ADGRA3: variants seen among roughly 807,000 people sequenced by gnomAD.
The protein encoded by ADGRA3 is G-protein coupled receptor 125.
Under a neutral mutation model 119.8 loss-of-function variants are expected in ADGRA3, and 56 were observed. The ratio of observed to expected loss-of-function variants is 0.47; its 90% CI spans 0.38 to 0.58. The LOEUF (loss-of-function observed/expected upper bound fraction) is 0.58. Among genes scored for constraint, ADGRA3 ranks in the 20% least tolerant of loss-of-function variants. ADGRA3 has a pLI of 0.00. For synonymous variants in ADGRA3, 607 were observed against 623.8 expected, an observed-to-expected ratio of 0.97 and a Z score of 0.40; for missense variants, 1,516 against 1,649.0, an observed-to-expected ratio of 0.92 and a Z score of 1.40.
intron 17 of ADGRA3, among the ~76,000 whole-genome samples, chr4:22,390,772 T>C (rs1015111729): frequency 6.6e-6 from 1 of 152,088 alleles, no homozygotes; most frequent in African/African-American, 2.4e-5. Flanking sequence ...TGTGTGTCAT[T>C]TGGGGACTGC....
At chr4:22,402,638 A>T (rs778338421) in intron 15 of ADGRA3, 37 bp downstream of exon 15, 1 of 1,590,712 alleles carries the variant, frequency 6.3e-7, no homozygotes, top group Non-Finnish European at 8.5e-7. Flanking sequence ...TTCAAATCAA[A>T]GTCCGCAGAT....
At position 22,476,054 on chromosome 4, in the gene ADGRA3, TA is replaced by T. The variant is rs201513147; in HGVS notation, c.258-2212del. Among the ~76,000 whole-genome samples the T allele has an allele frequency of 8.4e-4, 128 of 152,316 alleles. 2 individuals carry two copies. In the East Asian group the frequency reaches 0.02, roughly 24 times the overall value. On this transcript the variant is annotated intron_variant, in intron 1 of 18. Coordinates refer to ENST00000334304, the MANE Select transcript of ADGRA3 (RefSeq NM_145290.4). The stretch of plus-strand genomic sequence containing the variant: ...TATTTGTTAGTTACTAAAGCAAGGA[TA>T]AGTCTTCAATCATTGGAATGAAGAA...
At chr4:22,459,128 G>T (rs1717351957) in intron 3 of ADGRA3, among the ~76,000 whole-genome samples, 1 of 152,084 alleles carries the variant, frequency 6.6e-6, no homozygotes, top group Admixed American at 6.5e-5. Context: ...TTAGATGAAA[G>T]ATATTTTACT....
chr4:22,414,723 C>G (rs1577333494), intron 12 of ADGRA3: 1 of 605,138 alleles, frequency 1.7e-6, no homozygotes, highest in African/African-American at 1.9e-5. Context: ...ATCTATTGCT[C>G]AGATGTATCC....
At position 22,392,588 on chromosome 4, in the gene ADGRA3, G is replaced by A; in HGVS notation, c.2584C>T (p.Gln862Ter). ...GGAGGTGGTGGTTCATCAGGATCCT[G>A]GCATCTTTTAGCTTTTTTAGTGACT... ...KQVTKKAKRC[Q>*]DPDEPPPPPR... The change falls in exon 17 of 19, where the codon CAG (glutamine) becomes TAG (stop). Residue 862 changes from glutamine to a stop codon, truncating the protein, a stop_gained. Coordinates refer to ENST00000334304, the MANE Select transcript of ADGRA3 (RefSeq NM_145290.4). LOFTEE classifies it high-confidence loss of function. 6.2e-7 allele frequency: 1 copy of A among 1,613,750 alleles called. No individual in the cohort carries two copies. Among genetic ancestry groups the A allele is most frequent in the Non-Finnish European group, 8.5e-7 (1 of 1,179,838 alleles).
In ADGRA3 at chr4:22,493,784, T is replaced by G. The variant is rs755527580; in HGVS notation, c.258-19941A>C. ...CTATTGGGCTGCATTCCCAAACAGT[T>G]AGGCATTCTAAGTCATAGGATAAAA... On this transcript the variant is annotated intron_variant, in intron 1 of 18. Coordinates refer to ENST00000334304, the MANE Select transcript of ADGRA3 (RefSeq NM_145290.4). 2.6e-5 allele frequency among the ~76,000 whole-genome samples: 4 copies of G among 152,240 alleles called. No individual in the cohort carries two copies. In the East Asian group the frequency reaches 5.8e-4, roughly 22 times the overall value.
At chr4:22,401,171 G>A (rs1383840185) in intron 16 of ADGRA3, among the ~76,000 whole-genome samples, 2 of 152,036 alleles carry the variant, frequency 1.3e-5, no homozygotes, top group Non-Finnish European at 2.9e-5. Context: ...ATAAGTAACA[G>A]GCATTGTAAT....
At chr4:22,486,033 C>T (rs1718421449) in intron 1 of ADGRA3, among the ~76,000 whole-genome samples, 1 of 152,152 alleles carries the variant, frequency 6.6e-6, no homozygotes, top group African/African-American at 2.4e-5. Context: ...TAGTTATTCC[C>T]ACTTCTGTCT....
chr4:22,461,672 G>A (rs61792032), intron 3 of ADGRA3, 65 bp downstream of exon 3: 14,674 of 1,100,948 alleles, frequency 0.013, 216 homozygotes, highest in African/African-American at 0.049. Flanking sequence ...TCATGTTAAA[G>A]TAAGTTGACA....
intron 16 of ADGRA3, among the ~76,000 whole-genome samples, chr4:22,399,701 C>T (rs1373881322): frequency 6.6e-6 from 1 of 152,146 alleles, no homozygotes; most frequent in Non-Finnish European, 1.5e-5. Context: ...CTGCCTACTG[C>T]TAATACCACA....
intron 4 of ADGRA3, 71 bp downstream of exon 4, chr4:22,454,795 G>A (rs994021304): frequency 1.4e-5 from 16 of 1,121,756 alleles, no homozygotes; most frequent in South Asian, 2.5e-5. Context: ...AAATACATAA[G>A]TTTCATACAT....
At position 22,388,419 on chromosome 4, in the gene ADGRA3, TCCATTCGTC is replaced by T. The variant is rs1560290833; in HGVS notation, c.3243_3251del (p.Thr1082_Gly1084del). 6.2e-7 allele frequency: 1 copy of T among 1,614,062 alleles called. No individual in the cohort carries two copies. Among genetic ancestry groups the T allele is most frequent in the South Asian group, 1.1e-5 (1 of 91,080 alleles). The stretch of plus-strand genomic sequence containing the variant: ...TGCTATTGGGGCATTTGGGTGCCTC[TCCATTCGTC>T]CCATTAGAGTTGGGGGGCTGGACGT... On this transcript the variant is annotated inframe_deletion, in exon 19 of 19. Transcript: ENST00000334304.
chr4:22,413,105 A>AAAAAATTCATTTG, intron 14 of ADGRA3, 77 bp downstream of exon 14: 1 of 1,146,078 alleles, frequency 8.7e-7, no homozygotes. Context: ...AAAACAAAAA[A>AAAAAATTCATTTG]ACACTTCATT....
intron 17 of ADGRA3, among the ~76,000 whole-genome samples, chr4:22,389,638 C>G (rs896577008): frequency 6.6e-6 from 1 of 152,056 alleles, no homozygotes; most frequent in Non-Finnish European, 1.5e-5. Flanking sequence ...TGTCCCAGGA[C>G]TGCCCACTGC....
intron 14 of ADGRA3, among the ~76,000 whole-genome samples, chr4:22,406,225 T>C (rs1714917749): frequency 6.6e-6 from 1 of 152,200 alleles, no homozygotes; most frequent in African/African-American, 2.4e-5. Flanking sequence ...GTTGATGGAC[T>C]GATGGACACT....
chr4:22,408,127 C>T (rs1329490626), intron 14 of ADGRA3, among the ~76,000 whole-genome samples: 1 of 152,016 alleles, frequency 6.6e-6, no homozygotes. Context: ...TTTATTCTCC[C>T]TACCTCACAT....
In ADGRA3 at chr4:22,450,951, A is replaced by AAT. The variant is rs1310599032; in HGVS notation, c.474-3442_474-3441dup. 6.0e-3 allele frequency among the ~76,000 whole-genome samples: 737 copies of AAT among 122,300 alleles called. 4 individuals are homozygous for AAT. Among genetic ancestry groups the AAT allele is most frequent in the Middle Eastern group, 0.015 (3 of 206 alleles). 80.2% of individuals were successfully genotyped at this position (122,300 alleles called of 152,430 possible). ...GGATATAACAGAAAAAAAAAAAAAA[A>AAT]ATATATATATATATATATATACACC... On this transcript the variant is annotated intron_variant, in intron 4 of 18. Transcript: ENST00000334304.
At chr4:22,398,295 C>CAT (rs1459322304) in intron 16 of ADGRA3, among the ~76,000 whole-genome samples, 1 of 152,168 alleles carries the variant, frequency 6.6e-6, no homozygotes, top group Admixed American at 6.5e-5. Context: ...TACACACACA[C>CAT]ATTTTAAATT....
At position 22,401,506 on chromosome 4, in the gene ADGRA3, G is replaced by A; in HGVS notation, c.2406C>T (p.Cys802=). ...LKSWHMLVNL[C]FHIFLTCVVF... ...CCACACAGGTTAGGAAAATATGAAA[G>A]CACAAGTTCACAAGCATGTGCCAGC... Residue 802 remains cysteine, a synonymous_variant, in exon 16 of 19, where the codon TGC becomes TGT. Transcript: ENST00000334304. The A allele has an allele frequency of 1.9e-6, 3 of 1,610,562 alleles. No individual in the cohort carries two copies. Among genetic ancestry groups the A allele is most frequent in the Non-Finnish European group, 2.5e-6 (3 of 1,177,872 alleles).
Sources: allele counts gnomAD v4.1 joint callset (sites outside exome capture counted in the v4.1 genomes callset), GRCh38; gene constraint gnomAD v4.1.1; transcripts MANE v1.5; gene names NCBI Gene and HGNC (gene_info 2026-07-23, HGNC 2026-07-21).